NEK6: variants seen among roughly 807,000 people sequenced by gnomAD.
NEK6 encodes NIMA related kinase 6, also known as serine/threonine-protein kinase Nek6.
In NEK6, 27 loss-of-function variants were observed where a neutral mutation model predicts 43.5. The observed-to-expected ratio is 0.62, with a 90% CI of 0.46 to 0.86. The LOEUF is 0.86. Among genes scored for constraint, NEK6 ranks in the 40% least tolerant of loss-of-function variants. The pLI, the probability that NEK6 is intolerant of heterozygous loss-of-function variation, is 0.00. For missense variants in NEK6, 318 were observed against 414.4 expected, an observed-to-expected ratio of 0.77 and a Z score of 2.02; for synonymous variants, 167 against 164.1, an observed-to-expected ratio of 1.02 and a Z score of -0.14.
At chr9:124,289,761 G>T (rs774143597) in intron 1 of NEK6, among the ~76,000 whole-genome samples, 1 of 152,190 alleles carries the variant, frequency 6.6e-6, no homozygotes, top group African/African-American at 2.4e-5. Flanking sequence ...TTTGTCAGCC[G>T]TATAAGAAGC....
intron 1 of NEK6, chr9:124,258,310 G>A (rs1195613273): frequency 1.2e-5 from 12 of 985,108 alleles, no homozygotes; most frequent in Non-Finnish European, 1.3e-5. Context: ...GGGTGTGCGC[G>A]TCCCCGGCGG....
rs540648629 is a variant in NEK6, at chr9:124,292,232, G to T, written c.-29-9704G>T. The T allele has an allele frequency of 3.6e-5, 45 of 1,249,012 alleles. 1 individual carries two copies. The South Asian group carries it at 6.8e-4, about 19-fold the overall frequency. The allele number at this position is 1,249,012 out of a possible 1,614,324, so 77.4% of individuals were successfully genotyped here. A position where few individuals can be genotyped will look rare whatever the true frequency, so the allele number is the denominator to read the frequency against. Reference sequence around the variant, plus strand: ...CCTGGCTGCACCTCTGCCACCCACCGCTGGCTCAGCCACCTGCTGGTGGGG... The same window carrying T: ...CCTGGCTGCACCTCTGCCACCCACCTCTGGCTCAGCCACCTGCTGGTGGGG... On this transcript the variant is annotated intron_variant, in intron 1 of 9. Transcript: ENST00000320246.
intron 1 of NEK6, among the ~76,000 whole-genome samples, chr9:124,264,696 C>T (rs1366180468): frequency 6.6e-6 from 1 of 151,714 alleles, no homozygotes; most frequent in Non-Finnish European, 1.5e-5. Flanking sequence ...ATCCCAGCTA[C>T]TCGGGAGCCT....
chr9:124,330,854 G>A (rs1364448154), intron 7 of NEK6, among the ~76,000 whole-genome samples: 1 of 152,024 alleles, frequency 6.6e-6, no homozygotes, highest in Non-Finnish European at 1.5e-5. Context: ...GAGCCCCAGG[G>A]AGCCCAGGGT....
chr9:124,259,644 T>C (rs1173812730), intron 1 of NEK6: 1 of 151,936 alleles, frequency 6.6e-6, no homozygotes, highest in Non-Finnish European at 1.5e-5. Context: ...CCAAATAAAA[T>C]ATGCCTGTGG....
chr9:124,334,187 G>A (rs1829174831), intron 7 of NEK6, among the ~76,000 whole-genome samples: 1 of 152,234 alleles, frequency 6.6e-6, no homozygotes, highest in South Asian at 2.1e-4. Context: ...TCCCAGCAGG[G>A]TCAAGGCTCA....
At chr9:124,292,134 T>C in intron 1 of NEK6, 1 of 1,168,250 alleles carries the variant, frequency 8.6e-7, no homozygotes, top group South Asian at 2.1e-5. Flanking sequence ...CGCTTGCTCT[T>C]AGGGGTGTGT....
At chr9:124,277,026 G>A (rs946949179) in intron 1 of NEK6, among the ~76,000 whole-genome samples, 2 of 152,198 alleles carry the variant, frequency 1.3e-5, no homozygotes, top group African/African-American at 2.4e-5. Context: ...CTGGTGGCGC[G>A]TGTGGAAAAT....
intron 8 of NEK6, among the ~76,000 whole-genome samples, chr9:124,339,987 C>T (rs555131189): frequency 1.3e-4 from 20 of 152,318 alleles, no homozygotes; most frequent in African/African-American, 4.1e-4. Context: ...ATTAACACAC[C>T]GGCGATTCTG....
rs762183971 is a variant in NEK6, at chr9:124,327,481, G to A, written c.622+36G>A. 14 of 1,544,866 alleles carry A rather than the reference G, an allele frequency of 9.1e-6. No individual in the cohort carries two copies. In the South Asian group the frequency reaches 1.0e-4, roughly 11 times the overall value. On this transcript the variant is annotated intron_variant, in intron 7 of 9. Transcript: ENST00000320246. Reference sequence around the variant, plus strand: ...CCTGTCTGTGCCCCAGCAGCCCCCAGCGGTCCTGGTGACCATGCAGGGAGA... The same window carrying A: ...CCTGTCTGTGCCCCAGCAGCCCCCAACGGTCCTGGTGACCATGCAGGGAGA...
At chr9:124,325,161 G>A (rs1834272780) in intron 5 of NEK6, among the ~76,000 whole-genome samples, 1 of 151,824 alleles carries the variant, frequency 6.6e-6, no homozygotes, top group African/African-American at 2.4e-5. Context: ...GGCGACAGAG[G>A]GAGACTCCAT....
intron 2 of NEK6, among the ~76,000 whole-genome samples, chr9:124,308,793 C>T (rs567378755): frequency 4.6e-4 from 70 of 152,330 alleles, no homozygotes; most frequent in African/African-American, 1.0e-3. Flanking sequence ...AGTTTAGAGC[C>T]ACACCAGACA....
intron 1 of NEK6, among the ~76,000 whole-genome samples, chr9:124,285,575 A>G (rs1339729420): frequency 6.6e-6 from 1 of 152,186 alleles, no homozygotes; most frequent in Non-Finnish European, 1.5e-5. Flanking sequence ...ATCAGAGTTC[A>G]TGGAAGAGGC....
intron 1 of NEK6, among the ~76,000 whole-genome samples, chr9:124,274,458 C>T (rs1323237587): frequency 2.0e-5 from 3 of 152,196 alleles, no homozygotes; most frequent in Admixed American, 6.5e-5. Flanking sequence ...AGAGTGTAGA[C>T]ACTTGCTTTG....
chr9:124,293,635 G>C (rs974805779), intron 1 of NEK6, among the ~76,000 whole-genome samples: 4 of 152,192 alleles, frequency 2.6e-5, no homozygotes, highest in Non-Finnish European at 1.5e-5. Context: ...TCTGATCTGT[G>C]ACCACAGGGA....
Position 124,313,909 on chromosome 9 carries a change from T to C in NEK6, c.232-14T>C, listed in dbSNP as rs1443515187. ...ATTGTAACCACTCTATTTCTCTTTT[T>C]CCTCCCGCCCAAGATCTTTGAGATG... On this transcript the variant is annotated splice_polypyrimidine_tract_variant and intron_variant, in intron 3 of 9. Transcript: ENST00000320246. 10 of 1,614,056 alleles carry C rather than the reference T, an allele frequency of 6.2e-6. No individual in the cohort carries two copies. In the East Asian group the frequency reaches 2.0e-4, roughly 32 times the overall value.
chr9:124,277,395 G>A (rs1171404917), intron 1 of NEK6, among the ~76,000 whole-genome samples: 2 of 152,332 alleles, frequency 1.3e-5, no homozygotes, highest in South Asian at 2.1e-4. Flanking sequence ...GCAGTGAGCC[G>A]AGCTTGTGCC....
rs530319989 is a variant in NEK6, at chr9:124,343,493, C to T, written c.717+3828C>T. On this transcript the variant is annotated intron_variant, in intron 8 of 9. Transcript: ENST00000320246. The surrounding 1 kb of genome is among the most constrained non-coding windows in gnomAD (Gnocchi z 5.1). ...CTGTGGCCACCCATAGCCGGCCCAT[C>T]CAAGGGTAACGGGGCAGGGGCTCTG... 1.3e-5 allele frequency among the ~76,000 whole-genome samples: 2 copies of T among 152,260 alleles called. No individual in the cohort carries two copies. The highest frequency in any genetic ancestry group is 4.1e-4 in the South Asian group (2 of 4,830).
chr9:124,276,108 T>C (rs1831640480), intron 1 of NEK6, among the ~76,000 whole-genome samples: 1 of 151,718 alleles, frequency 6.6e-6, no homozygotes, highest in Admixed American at 6.6e-5. Context: ...GGAACGGGGC[T>C]GTCCTGGGGA....
Sources: allele counts gnomAD v4.1 joint callset (sites outside exome capture counted in the v4.1 genomes callset), GRCh38; gene constraint gnomAD v4.1.1; non-coding constraint Gnocchi (gnomAD v3.1); transcripts MANE v1.5; gene names NCBI Gene and HGNC (gene_info 2026-07-23, HGNC 2026-07-21).